The following CDH4 variants were observed in gnomAD, a reference collection of about 807,000 sequenced individuals.
CDH4 encodes the protein cadherin 4.
A neutral mutation model predicts 86.0 loss-of-function variants in CDH4; 33 were observed. The observed-to-expected ratio is 0.38, with a 90% CI of 0.29 to 0.51. The LOEUF (loss-of-function observed/expected upper bound fraction) is 0.51, where lower values mean the gene tolerates loss of function less well. CDH4 is among the 20% of genes least tolerant of loss of function. CDH4 has a pLI of 0.86. For synonymous variants in CDH4, 555 were observed against 549.4 expected, an observed-to-expected ratio of 1.01 and a Z score of -0.14; for missense variants, 1,114 against 1,307.4, an observed-to-expected ratio of 0.85 and a Z score of 2.28.
chr20:61,446,025 CTG>C (rs1163319159), intron 2 of CDH4, among the ~76,000 whole-genome samples: 1 of 152,206 alleles, frequency 6.6e-6, no homozygotes, highest in African/African-American at 2.4e-5. Flanking sequence ...CACAAGGAAA[CTG>C]TGGGTGCGCA....
chr20:61,679,013 T>C (rs2087476971), intron 2 of CDH4, among the ~76,000 whole-genome samples: 1 of 152,208 alleles, frequency 6.6e-6, no homozygotes, highest in South Asian at 2.1e-4. Context: ...GCCCTGTGGA[T>C]TTCACACGTG....
At position 61,518,720 on chromosome 20, in the gene CDH4, G is replaced by A. The variant is rs886622171; in HGVS notation, c.170-224843G>A. 6.8e-5 allele frequency among the ~76,000 whole-genome samples: 10 copies of A among 147,902 alleles called. No individual in the cohort carries two copies. Among genetic ancestry groups the A allele is most frequent in the Admixed American group, 1.3e-4 (2 of 14,908 alleles). ...CTATCTGTTGTTCAATCATCCATCC[G>A]TTCATCCACCCATCATCCATTCATC... is the stretch of plus-strand genomic sequence containing the variant. On this transcript the variant is annotated intron_variant, in intron 2 of 15. Coordinates refer to ENST00000614565, the MANE Select transcript of CDH4 (RefSeq NM_001794.5). The surrounding 1 kb of genome is among the most constrained non-coding windows in gnomAD (Gnocchi z 6.3).
intron 6 of CDH4, among the ~76,000 whole-genome samples, chr20:61,854,353 T>C (rs1389362799): frequency 6.6e-6 from 1 of 152,178 alleles, no homozygotes; most frequent in Non-Finnish European, 1.5e-5. Flanking sequence ...GTGAACAAGG[T>C]GAATTATACC....
At position 61,703,538 on chromosome 20, in the gene CDH4, G is replaced by A. The variant is rs1006776014; in HGVS notation, c.170-40025G>A. On this transcript the variant is annotated intron_variant, in intron 2 of 15. Transcript: ENST00000614565. This position sits in a 1 kb window ranked among gnomAD's most constrained non-coding sequence, Gnocchi z 4.3. Reference sequence around the variant, plus strand: ...AAATTAGTGGGGAAGGAAGGAGTGAGGTCAGGTGTGGGGATCAAAGCTCCT... The same window carrying A: ...AAATTAGTGGGGAAGGAAGGAGTGAAGTCAGGTGTGGGGATCAAAGCTCCT... Among the ~76,000 whole-genome samples, 1 of 152,212 alleles carries A rather than the reference G, an allele frequency of 6.6e-6. No individual in the cohort carries two copies. The highest frequency in any genetic ancestry group is 1.5e-5 in the Non-Finnish European group (1 of 68,040).
chr20:61,338,612 C>G (rs1290052372), intron 2 of CDH4, among the ~76,000 whole-genome samples: 2 of 152,132 alleles, frequency 1.3e-5, no homozygotes, highest in Non-Finnish European at 2.9e-5. Context: ...ATGGAGTCTT[C>G]CCTGACCCTC....
chr20:61,910,293 C>T (rs1467752862), intron 8 of CDH4, 129 bp from the exon 9 acceptor site: 3 of 780,774 alleles, frequency 3.8e-6, no homozygotes, highest in East Asian at 2.7e-5. Context: ...TTTGTGAACA[C>T]TCGAGCTGGG....
intron 13 of CDH4, among the ~76,000 whole-genome samples, chr20:61,932,328 A>G (rs1007956215): frequency 6.6e-6 from 1 of 152,132 alleles, no homozygotes; most frequent in Admixed American, 6.5e-5. Context: ...ATGACTCAAA[A>G]TGTAGCCCAG....
intron 2 of CDH4, among the ~76,000 whole-genome samples, chr20:61,636,607 C>T (rs910671596): frequency 6.6e-6 from 1 of 152,232 alleles, no homozygotes; most frequent in Non-Finnish European, 1.5e-5. Context: ...GAGGCTCTGG[C>T]CTCTCTTCCA....
chr20:61,335,821 GT>G (rs2084614040), intron 2 of CDH4, among the ~76,000 whole-genome samples: 1 of 152,170 alleles, frequency 6.6e-6, no homozygotes, highest in Non-Finnish European at 1.5e-5. Context: ...TATTGAAGTT[GT>G]TTAAAGGGTG....
chr20:61,702,320 C>T (rs886805337), intron 2 of CDH4, among the ~76,000 whole-genome samples: 1 of 152,168 alleles, frequency 6.6e-6, no homozygotes. Context: ...CTTGTGGAAT[C>T]GGGGGCCCAG....
chr20:61,637,498 C>T (rs2086959621), intron 2 of CDH4, among the ~76,000 whole-genome samples: 1 of 152,248 alleles, frequency 6.6e-6, no homozygotes, highest in South Asian at 2.1e-4. Context: ...TTTCTCACCC[C>T]TGTGTCTCAG....
intron 2 of CDH4, among the ~76,000 whole-genome samples, chr20:61,459,255 C>T (rs2085428560): frequency 6.6e-6 from 1 of 152,032 alleles, no homozygotes; most frequent in South Asian, 2.1e-4. Flanking sequence ...TTGGTCCATG[C>T]TGGTCAAACA....
chr20:61,454,570 G>A (rs1372440426), intron 2 of CDH4, among the ~76,000 whole-genome samples: 2 of 152,048 alleles, frequency 1.3e-5, no homozygotes, highest in Admixed American at 6.6e-5. Flanking sequence ...CTCAGCCTCC[G>A]GAGTAGCTGG....
chr20:61,281,450 G>A (rs116970178), intron 2 of CDH4, among the ~76,000 whole-genome samples: 31 of 152,266 alleles, frequency 2.0e-4, no homozygotes, highest in Non-Finnish European at 3.8e-4. Flanking sequence ...GGAACCTGCC[G>A]GCGCCTTGAC....
intron 2 of CDH4, among the ~76,000 whole-genome samples, chr20:61,581,556 G>A (rs1375384611): frequency 6.6e-6 from 1 of 152,054 alleles, no homozygotes; most frequent in Admixed American, 6.5e-5. Flanking sequence ...CCACCCTCAT[G>A]GTCAGTGAGG....
chr20:61,823,403 T>C (rs1355808945), intron 4 of CDH4, among the ~76,000 whole-genome samples: 1 of 113,912 alleles, frequency 8.8e-6, no homozygotes, highest in African/African-American at 3.3e-5. Context: ...AATAATGTGA[T>C]GATGATGAAG....
chr20:61,849,896 G>A (rs940695950), intron 5 of CDH4, among the ~76,000 whole-genome samples: 1 of 152,068 alleles, frequency 6.6e-6, no homozygotes, highest in Non-Finnish European at 1.5e-5. Context: ...TTCACATCTG[G>A]GACCAGCACC....
chr20:61,859,230 C>G (rs570005524), intron 6 of CDH4, among the ~76,000 whole-genome samples: 1 of 152,200 alleles, frequency 6.6e-6, no homozygotes, highest in Non-Finnish European at 1.5e-5. Flanking sequence ...TCATGGCTTT[C>G]GTCCATTTCC....
At chr20:61,467,769 A>G (rs2085481091) in intron 2 of CDH4, among the ~76,000 whole-genome samples, 1 of 152,214 alleles carries the variant, frequency 6.6e-6, no homozygotes, top group Non-Finnish European at 1.5e-5. Flanking sequence ...TAGAGGGGAC[A>G]TTCTTGAAGA....
Sources: allele counts gnomAD v4.1 joint callset (sites outside exome capture counted in the v4.1 genomes callset), GRCh38; gene constraint gnomAD v4.1.1; non-coding constraint Gnocchi (gnomAD v3.1); transcripts MANE v1.5; gene names NCBI Gene and HGNC (gene_info 2026-07-23, HGNC 2026-07-21).